Variants in STX1A observed in about 807,000 individuals in gnomAD.
STX1A encodes the protein syntaxin-1A.
Under a neutral mutation model 37.8 loss-of-function variants are expected in STX1A, and 4 were observed. That is an observed-to-expected ratio of 0.11 (90% CI 0.05 to 0.24). The LOEUF (loss-of-function observed/expected upper bound fraction) is 0.24, where lower values mean the gene tolerates loss of function less well. Ranked by LOEUF, STX1A falls within the 10% of genes least tolerant of loss-of-function variation. The pLI, the probability that STX1A is intolerant of heterozygous loss-of-function variation, is 1.00. For missense variants in STX1A, 251 were observed against 399.9 expected (o/e 0.63, Z 3.18); for synonymous variants, 135 against 147.4 (o/e 0.92, Z 0.61).
intron 1 of STX1A, among the ~76,000 whole-genome samples, chr7:73,710,369 G>C (rs782446494): frequency 1.6e-4 from 25 of 152,254 alleles, no homozygotes; most frequent in Non-Finnish European, 3.2e-4. Flanking sequence ...TGGCCACCCT[G>C]GGGCAGGGAC....
chr7:73,703,033 G>A (rs1407070882), intron 7 of STX1A, 51 bp from the exon 8 acceptor site: 3 of 1,340,240 alleles, frequency 2.2e-6, no homozygotes, highest in Non-Finnish European at 2.0e-6. Context: ...GAGGGGCAGG[G>A]CAGAGGGCCG....
At chr7:73,719,533 G>A (rs1258218712) in intron 1 of STX1A, 69 bp downstream of exon 1, 25 of 1,184,446 alleles carry the variant, frequency 2.1e-5, no homozygotes, top group African/African-American at 4.8e-5. Flanking sequence ...CGGGAGCCGG[G>A]CGGGAAGTGT....
rs1799333337 is a variant in STX1A, at chr7:73,717,582, C to T, written c.30+2020G>A. ...TGTCTCACCCCACCCCGGGTGGGCTCCTGCCTGCCAGCCGTCCACCTGTCT... is the reference window on the plus strand; with the variant it reads ...TGTCTCACCCCACCCCGGGTGGGCTTCTGCCTGCCAGCCGTCCACCTGTCT... On this transcript the variant is annotated intron_variant, in intron 1 of 9. Transcript: ENST00000222812. The surrounding 1 kb of genome is among the most constrained non-coding windows in gnomAD (Gnocchi z 4.1). Among the ~76,000 whole-genome samples, 3 of 152,052 alleles carry T rather than the reference C, an allele frequency of 2.0e-5. No homozygotes were observed. In the South Asian group the frequency reaches 6.2e-4, roughly 31 times the overall value.
At chr7:73,713,563 T>C (rs1377602282) in intron 1 of STX1A, among the ~76,000 whole-genome samples, 1 of 152,142 alleles carries the variant, frequency 6.6e-6, no homozygotes, top group Admixed American at 6.5e-5. Context: ...ACCCCATCTC[T>C]ATCAAAAGCT....
chr7:73,719,376 C>T (rs1554619226), intron 1 of STX1A, among the ~76,000 whole-genome samples: 3 of 152,198 alleles, frequency 2.0e-5, no homozygotes, highest in Admixed American at 6.5e-5. Flanking sequence ...TCCAGCCGAC[C>T]GTCCACGTGT....
intron 3 of STX1A, among the ~76,000 whole-genome samples, chr7:73,707,914 G>A (rs1554617270): frequency 7.0e-6 from 1 of 143,458 alleles, no homozygotes. Context: ...CAGCCTGGGT[G>A]ACAGAGCAAG....
rs1799311890 is a variant in STX1A at position 73,717,051 on chromosome 7, G to C, written c.30+2551C>G. ...TCTGCAGAGGGAGAGTTGGGAGCTG[G>C]AGAAGGCTGGAGAAGGCTGGAGGGC... On this transcript the variant is annotated intron_variant, in intron 1 of 9. Transcript: ENST00000222812. The surrounding 1 kb of genome is among the most constrained non-coding windows in gnomAD (Gnocchi z 4.1). Among the ~76,000 whole-genome samples the C allele has an allele frequency of 6.6e-6, 1 of 152,044 alleles. No individual in the cohort carries two copies. The highest frequency in any genetic ancestry group is 2.1e-4 in the South Asian group (1 of 4,826).
At chr7:73,718,685 C>G (rs1554619096) in intron 1 of STX1A, among the ~76,000 whole-genome samples, 4 of 152,038 alleles carry the variant, frequency 2.6e-5, no homozygotes, top group African/African-American at 9.7e-5. Context: ...TCACCATCCT[C>G]CTGGGCTCCT....
At position 73,710,307 on chromosome 7, in the gene STX1A, G is replaced by A. The variant is rs111296530; in HGVS notation, c.31-1185C>T. On this transcript the variant is annotated intron_variant, in intron 1 of 9. Transcript: ENST00000222812. ...CGCCAGTTGGCCAGGGTCAGCCCAC[G>A]CTGCTGGCAAGGCCAGGTCTCTCTC... is the stretch of plus-strand genomic sequence containing the variant. 6.0e-4 allele frequency among the ~76,000 whole-genome samples: 92 copies of A among 152,390 alleles called. 1 individual carries two copies. Among genetic ancestry groups the A allele is most frequent in the African/African-American group, 2.1e-3 (89 of 41,594 alleles).
chr7:73,709,571 T>A lies in STX1A; in HGVS notation c.31-449A>T, dbSNP rs1429345220. Among the ~76,000 whole-genome samples, 1 of 152,172 alleles carries A rather than the reference T, an allele frequency of 6.6e-6. No individual in the cohort carries two copies. Among genetic ancestry groups the A allele is most frequent in the Non-Finnish European group, 1.5e-5 (1 of 68,018 alleles). On this transcript the variant is annotated intron_variant, in intron 1 of 9. Transcript: ENST00000222812. The surrounding 1 kb of genome is among the most constrained non-coding windows in gnomAD (Gnocchi z 4.2). ...AAACACATACACACATCTGTAGAGT[T>A]GAGGTCTTGCTGTGTCACCCAGGCT...
At chr7:73,703,970 C>G in intron 6 of STX1A, 142 bp from the exon 7 acceptor site, 1 of 1,045,790 alleles carries the variant, frequency 9.6e-7, no homozygotes, top group Non-Finnish European at 1.4e-6. Flanking sequence ...CCCCCCGGCC[C>G]TTAACACAGC....
chr7:73,715,438 C>A (rs540823191), intron 1 of STX1A, among the ~76,000 whole-genome samples: 65 of 150,850 alleles, frequency 4.3e-4, no homozygotes, highest in Admixed American at 1.9e-3. Context: ...AAAAAAAAAA[C>A]CAACAAAAAA....
rs902881057 is a variant in STX1A, at chr7:73,706,394, G to A, written c.209-1170C>T. ...CCAGGCCGGATGGCAGCCCCCAGAG[G>A]AGGCAGAGCCTGCCTTGCCCGGGAG... On this transcript the variant is annotated intron_variant, in intron 3 of 9. Transcript: ENST00000222812. The surrounding 1 kb of genome is among the most constrained non-coding windows in gnomAD (Gnocchi z 4.6). Among the ~76,000 whole-genome samples the A allele has an allele frequency of 1.4e-4, 22 of 152,246 alleles. No individual in the cohort carries two copies. The highest frequency in any genetic ancestry group is 5.9e-4 in the Admixed American group (9 of 15,294).
rs544374566 is a variant in STX1A at position 73,701,228 on chromosome 7, C to T, written c.679-388G>A. On this transcript the variant is annotated intron_variant, in intron 8 of 9. Transcript: ENST00000222812. ...GCTCCTGAGGTGGCCACAGGTGAGC[C>T]TGCCCACACCCCCATCCTCAGGCAT... 10 of 471,070 alleles carry T rather than the reference C, an allele frequency of 2.1e-5. No homozygotes were observed. In the South Asian group the frequency reaches 3.8e-4, roughly 18 times the overall value. The allele number at this position is 471,070 out of a possible 1,614,324, so 29.2% of individuals were successfully genotyped here.
chr7:73,701,008 A>T (rs2116725063), intron 8 of STX1A, 168 bp from the exon 9 acceptor site: 1 of 1,347,956 alleles, frequency 7.4e-7, no homozygotes, highest in South Asian at 1.4e-5. Flanking sequence ...TGGGGTGTAG[A>T]GGGCCAGGCA....
chr7:73,704,586 A>G lies in STX1A; in HGVS notation c.284-163T>C, dbSNP rs1291159434. On this transcript the variant is annotated intron_variant, in intron 4 of 9. Transcript: ENST00000222812. Reference sequence around the variant, plus strand: ...CACCGATGGAGGAGGGGCCTACAGAAGCCCTTCCAGCTGTGACGCTGTGTG... The same window carrying G: ...CACCGATGGAGGAGGGGCCTACAGAGGCCCTTCCAGCTGTGACGCTGTGTG... The G allele has an allele frequency of 7.6e-6, 6 of 784,652 alleles. No homozygotes were observed. In the African/African-American group the frequency reaches 1.0e-4, roughly 13 times the overall value. The allele number at this position is 784,652 out of a possible 1,614,324, so 48.6% of individuals were successfully genotyped here.
intron 3 of STX1A, 27 bp downstream of exon 3, chr7:73,708,562 A>T: frequency 6.2e-7 from 1 of 1,602,794 alleles, no homozygotes; most frequent in Non-Finnish European, 8.5e-7. Context: ...TGGGGCCTGA[A>T]ACCCGTCCCC....
chr7:73,705,355 T>G lies in STX1A; in HGVS notation c.209-131A>C. On this transcript the variant is annotated intron_variant, in intron 3 of 9. Transcript: ENST00000222812. This position sits in a 1 kb window ranked among gnomAD's most constrained non-coding sequence, Gnocchi z 5.2. ...CCCTGTTCTCCCCTGTTCCCCTGGC[T>G]AAGGCTCTGCCTGCCCGCCCCCCTC... 1 of 755,476 alleles carries G rather than the reference T, an allele frequency of 1.3e-6. No homozygotes were observed. Among genetic ancestry groups the G allele is most frequent in the Non-Finnish European group, 2.2e-6 (1 of 446,838 alleles). 46.8% of individuals were successfully genotyped at this position (755,476 alleles called of 1,614,324 possible).
At position 73,700,761 on chromosome 7, in the gene STX1A, T is replaced by C; in HGVS notation, c.758A>G (p.Lys253Arg). Residue 253 changes from lysine (K) to arginine (R), a missense_variant, in exon 9 of 10, where the codon AAG (lysine) becomes AGG (arginine). This residue lies in a region of STX1A where 214 missense variants were observed against 367.6 expected (regional missense o/e 0.58). Transcript: ENST00000222812. The surrounding 1 kb of genome is among the most constrained non-coding windows in gnomAD (Gnocchi z 4.4). ...YVERAVSDTK[K>R]AVKYQSKARR... ...CGCCTTGCTCTGGTACTTGACGGCC[T>C]TCTTGGTGTCAGACACGGCCCTCTC... is the stretch of plus-strand genomic sequence containing the variant. The C allele has an allele frequency of 1.2e-6, 2 of 1,613,750 alleles. No individual in the cohort carries two copies. Among genetic ancestry groups the C allele is most frequent in the Non-Finnish European group, 1.7e-6 (2 of 1,179,930 alleles).
Sources: allele counts gnomAD v4.1 joint callset (sites outside exome capture counted in the v4.1 genomes callset), GRCh38; gene constraint gnomAD v4.1.1; regional missense constraint gnomAD v4.1.1; non-coding constraint Gnocchi (gnomAD v3.1); transcripts MANE v1.5; gene names NCBI Gene and HGNC (gene_info 2026-07-23, HGNC 2026-07-21).